NPC2: variants seen among roughly 807,000 people sequenced by gnomAD.
NPC2 encodes the protein NPC intracellular cholesterol transporter 2.
NPC2 carries 14 observed loss-of-function variants against 17.0 expected under a neutral mutation model. That is an observed-to-expected ratio of 0.82 (90% CI 0.54 to 1.29). NPC2 has a LOEUF of 1.29. Ranked by LOEUF, NPC2 falls within the 50% of genes most tolerant of loss-of-function variation. The pLI is 0.00. For missense variants in NPC2, 167 were observed against 183.4 expected (o/e 0.91, Z 0.52); for synonymous variants, 75 against 69.3 (o/e 1.08, Z -0.41).
chr14:74,487,274 GTTTT>G (rs59427038), intron 1 of NPC2, among the ~76,000 whole-genome samples: 1 of 132,062 alleles, frequency 7.6e-6, no homozygotes, highest in African/African-American at 2.9e-5. Flanking sequence ...GTTTTTTTTT[GTTTT>G]TTTTTTTTGA....
chr14:74,485,454 G>A (rs1210027908), intron 2 of NPC2, among the ~76,000 whole-genome samples: 1 of 151,986 alleles, frequency 6.6e-6, no homozygotes, highest in Non-Finnish European at 1.5e-5. Context: ...AGGGTATTTT[G>A]GAGACCCAGA....
At chr14:74,483,359 T>A (rs1444573807) in intron 3 of NPC2, 1 of 1,400,618 alleles carries the variant, frequency 7.1e-7, no homozygotes, top group Non-Finnish European at 1.0e-6. Context: ...GAATTTAGCA[T>A]GACAGTGATG....
rs930089221 is a variant in NPC2, at chr14:74,480,836, T to C, written c.364-57A>G. 7.8e-6 allele frequency: 11 copies of C among 1,412,028 alleles called. No homozygotes were observed. In the African/African-American group the frequency reaches 1.3e-4, roughly 16 times the overall value. 87.5% of individuals were successfully genotyped at this position (1,412,028 alleles called of 1,614,324 possible). ...GAAAATAGGACCTGACTTCTATCCA[T>C]AATTGGTTTAACTATGAATCCTAGA... On this transcript the variant is annotated intron_variant, in intron 3 of 4. Coordinates refer to ENST00000555619, the MANE Select transcript of NPC2 (RefSeq NM_006432.5).
At chr14:74,491,235 G>A (rs2086768565) in intron 1 of NPC2, among the ~76,000 whole-genome samples, 1 of 152,094 alleles carries the variant, frequency 6.6e-6, no homozygotes, top group South Asian at 2.1e-4. Flanking sequence ...ACCATGCCCA[G>A]CTAATTTTTG....
Position 74,480,042 on chromosome 14 carries a change from G to T in NPC2, c.*232C>A, listed in dbSNP as rs1249594140. ...TTGTTAAAAAAAAAATTAAACATCT[G>T]CTAACCAAGTGCTGCATTTAATGAA... On this transcript the variant is annotated 3_prime_UTR_variant, in exon 5 of 5. Transcript: ENST00000555619. 5.4e-6 allele frequency: 8 copies of T among 1,492,592 alleles called. No homozygotes were observed. Among genetic ancestry groups the T allele is most frequent in the Non-Finnish European group, 6.2e-6 (7 of 1,125,752 alleles). The allele number at this position is 1,492,592 out of a possible 1,614,324, so 92.5% of individuals were successfully genotyped here.
intron 3 of NPC2, chr14:74,483,200 T>C: frequency 2.3e-6 from 2 of 857,684 alleles, no homozygotes; most frequent in Non-Finnish European, 3.9e-6. Context: ...GGCCAAGGTT[T>C]TGCACTAGTA....
At chr14:74,481,314 C>G (rs1477610187) in intron 3 of NPC2, among the ~76,000 whole-genome samples, 2 of 152,256 alleles carry the variant, frequency 1.3e-5, no homozygotes, top group Admixed American at 6.5e-5. Context: ...GACACGCTGG[C>G]TCCCCTTTGC....
At chr14:74,491,512 C>T (rs1465440709) in intron 1 of NPC2, among the ~76,000 whole-genome samples, 3 of 152,208 alleles carry the variant, frequency 2.0e-5, no homozygotes, top group Non-Finnish European at 4.4e-5. Context: ...AAGTGTTAAT[C>T]GGCCAGCACT....
downstream of NPC2, chr14:74,479,935 C>T: frequency 8.0e-7 from 1 of 1,246,240 alleles, no homozygotes; most frequent in Non-Finnish European, 1.0e-6. Flanking sequence ...AGACCACAGC[C>T]CACATGCAGA....
intron 1 of NPC2, among the ~76,000 whole-genome samples, chr14:74,491,929 G>C (rs2086777745): frequency 1.3e-5 from 2 of 152,134 alleles, no homozygotes; most frequent in South Asian, 2.1e-4. Flanking sequence ...ACGAGTTTAG[G>C]GGCCACGCCG....
intron 3 of NPC2, 122 bp downstream of exon 3, chr14:74,484,293 G>A: frequency 9.7e-7 from 1 of 1,030,940 alleles, no homozygotes; most frequent in African/African-American, 1.7e-5. Flanking sequence ...CTTTCCCTCG[G>A]GCTTCTTCTT....
At chr14:74,483,713 AT>A (rs1293908695) in intron 3 of NPC2, among the ~76,000 whole-genome samples, 1 of 152,246 alleles carries the variant, frequency 6.6e-6, no homozygotes, top group Non-Finnish European at 1.5e-5. Context: ...CTCTTGGAAA[AT>A]AAGACATAAC....
intron 2 of NPC2, among the ~76,000 whole-genome samples, chr14:74,485,586 T>C (rs1307575405): frequency 6.6e-6 from 1 of 151,940 alleles, no homozygotes; most frequent in East Asian, 1.9e-4. Context: ...AGGGAGCTAG[T>C]ACTTAGAGCT....
At position 74,481,080 on chromosome 14, in the gene NPC2, G is replaced by A. The variant is rs375475663; in HGVS notation, c.364-301C>T. 2.0e-5 allele frequency among the ~76,000 whole-genome samples: 3 copies of A among 152,156 alleles called. No individual in the cohort carries two copies. The South Asian group carries it at 6.2e-4, about 32-fold the overall frequency. ...CAATGGCATATAAATGAAGTGATAC[G>A]GTTTGGTTATTTGTCCCTTTGAAAT... On this transcript the variant is annotated intron_variant, in intron 3 of 4. Coordinates refer to ENST00000555619, the MANE Select transcript of NPC2 (RefSeq NM_006432.5).
At chr14:74,485,108 A>C (rs553839388) in intron 2 of NPC2, among the ~76,000 whole-genome samples, 1 of 152,024 alleles carries the variant, frequency 6.6e-6, no homozygotes, top group South Asian at 2.1e-4. Context: ...CAGCCTGGCC[A>C]ACATGGAAAA....
Position 74,480,258 on chromosome 14 carries a change from G to A in NPC2, c.*16C>T, listed in dbSNP as rs774223322. 7.7e-5 allele frequency: 124 copies of A among 1,614,060 alleles called. 4 individuals are homozygous for A. In the South Asian group the frequency reaches 1.0e-3, roughly 13 times the overall value. On this transcript the variant is annotated 3_prime_UTR_variant, in exon 5 of 5. Transcript: ENST00000555619. ...AGCAGACTCATTGGCCAGATGCACC[G>A]AACTCAATGAGGCACTTAGAGATGA...
At chr14:74,489,610 A>G (rs1458552036) in intron 1 of NPC2, among the ~76,000 whole-genome samples, 2 of 152,248 alleles carry the variant, frequency 1.3e-5, no homozygotes, top group Non-Finnish European at 1.5e-5. Flanking sequence ...AAGTACTTGT[A>G]TACAATAAAT....
upstream of NPC2, chr14:74,493,476 C>G: frequency 8.1e-7 from 1 of 1,235,294 alleles, no homozygotes; most frequent in Non-Finnish European, 1.1e-6. The surrounding 1 kb of genome is among the most constrained non-coding windows in gnomAD (Gnocchi z 4.1). Context: ...CAGTCTCCGC[C>G]CATGCCATCC....
chr14:74,490,453 T>C (rs1244774949), intron 1 of NPC2, among the ~76,000 whole-genome samples: 1 of 152,128 alleles, frequency 6.6e-6, no homozygotes. Flanking sequence ...CCATTTTTGG[T>C]GAATAGGGAA....
Sources: gnomAD v4.1 joint callset for allele counts (sites outside exome capture counted in the v4.1 genomes callset) on GRCh38, gnomAD v4.1.1 for gene constraint, Gnocchi (gnomAD v3.1) non-coding constraint, MANE v1.5 for transcripts, NCBI Gene and HGNC (gene_info 2026-07-23, HGNC 2026-07-21) for gene names.